Variants in OXR1 observed in about 807,000 individuals in gnomAD.
The protein encoded by OXR1 is oxidation resistance 1.
OXR1 carries 41 observed loss-of-function variants against 104.6 expected under a neutral mutation model. The observed-to-expected ratio is 0.39, with a 90% CI of 0.31 to 0.51. The LOEUF is 0.51. Ranked by LOEUF, OXR1 falls within the 20% of genes least tolerant of loss-of-function variation. OXR1 has a pLI of 0.77. For missense variants in OXR1, 955 were observed against 1,031.9 expected, an observed-to-expected ratio of 0.93 and a Z score of 1.02; for synonymous variants, 348 against 348.4, an observed-to-expected ratio of 1.00 and a Z score of 0.01.
In OXR1 at chr8:106,574,998, C is replaced by A. The variant is rs149183688; in HGVS notation, c.220+55859C>A. On this transcript the variant is annotated intron_variant, in intron 3 of 16. Coordinates refer to ENST00000517566, the MANE Select transcript of OXR1 (RefSeq NM_001198533.2). ...TTTTCTCCATGTGACTTTTCATTTA[C>A]ATAATTGGACTCAGTTTTGCATTAT... is the stretch of plus-strand genomic sequence containing the variant. 1.2e-4 allele frequency among the ~76,000 whole-genome samples: 18 copies of A among 152,184 alleles called. No individual in the cohort carries two copies. The East Asian group carries it at 3.5e-3, about 29-fold the overall frequency.
intron 1 of OXR1, among the ~76,000 whole-genome samples, chr8:106,332,930 A>C (rs980908663): frequency 6.6e-6 from 1 of 152,150 alleles, no homozygotes; most frequent in East Asian, 1.9e-4. Flanking sequence ...CTTTAGCTTT[A>C]CATAATGTTC....
intron 2 of OXR1, among the ~76,000 whole-genome samples, chr8:106,429,790 G>T (rs1819286881): frequency 2.0e-5 from 3 of 152,052 alleles, no homozygotes; most frequent in Middle Eastern, 6.8e-3. Context: ...ACCAGGGATG[G>T]TTGGTTTGTT....
intron 1 of OXR1, among the ~76,000 whole-genome samples, chr8:106,288,184 T>C (rs1055958890): frequency 9.2e-5 from 14 of 152,022 alleles, no homozygotes; most frequent in African/African-American, 3.4e-4. Flanking sequence ...GCAGGTGAAG[T>C]GTATTGGAAG....
At chr8:106,711,744 A>G (rs1831710588) in intron 10 of OXR1, among the ~76,000 whole-genome samples, 1 of 152,080 alleles carries the variant, frequency 6.6e-6, no homozygotes, top group South Asian at 2.1e-4. Flanking sequence ...CCTTTCCTAC[A>G]AAGGATGTGA....
At chr8:106,467,604 A>G (rs375363465) in intron 2 of OXR1, among the ~76,000 whole-genome samples, 181 of 151,896 alleles carry the variant, frequency 1.2e-3, no homozygotes, top group Non-Finnish European at 2.2e-3. Context: ...GCAGTAAGCA[A>G]ACCTGCTCTT....
chr8:106,663,871 G>C (rs1826007652), intron 3 of OXR1, among the ~76,000 whole-genome samples: 1 of 152,112 alleles, frequency 6.6e-6, no homozygotes, highest in Non-Finnish European at 1.5e-5. Flanking sequence ...CCTGTCTCTG[G>C]TGCCGTAAAG....
intron 1 of OXR1, among the ~76,000 whole-genome samples, chr8:106,294,140 C>T (rs916211612): frequency 2.6e-5 from 4 of 151,486 alleles, no homozygotes; most frequent in Non-Finnish European, 4.4e-5. Flanking sequence ...TCTGTAGTCC[C>T]GTCTGTATTC....
intron 3 of OXR1, among the ~76,000 whole-genome samples, chr8:106,590,462 A>G (rs976919110): frequency 2.6e-5 from 4 of 152,056 alleles, no homozygotes; most frequent in African/African-American, 9.7e-5. Context: ...TCATTTTTGT[A>G]TTTTTAGTAG....
intron 3 of OXR1, among the ~76,000 whole-genome samples, chr8:106,607,486 A>G (rs919906229): frequency 6.6e-6 from 1 of 152,150 alleles, no homozygotes; most frequent in African/African-American, 2.4e-5. Context: ...AAGTTCAAGG[A>G]TTGCTTACAC....
Position 106,496,919 on chromosome 8 carries a change from T to A in OXR1, c.24-22024T>A, listed in dbSNP as rs141652559. ...GCAATCTGTGACGGAGGTAGACCAA[T>A]GTAAACCAAAGACTGGGAGGGTCAA... is the stretch of plus-strand genomic sequence containing the variant. On this transcript the variant is annotated intron_variant, in intron 2 of 16. Transcript: ENST00000517566. Among the ~76,000 whole-genome samples, 408 of 152,254 alleles carry A rather than the reference T, an allele frequency of 2.7e-3. 3 individuals carry two copies. The highest frequency in any genetic ancestry group is 6.6e-3 in the African/African-American group (273 of 41,546).
At chr8:106,413,932 T>C (rs1276610939) in intron 2 of OXR1, among the ~76,000 whole-genome samples, 1 of 152,070 alleles carries the variant, frequency 6.6e-6, no homozygotes, top group Non-Finnish European at 1.5e-5. Flanking sequence ...TTCACCATGT[T>C]GACCATGCTG....
intron 2 of OXR1, among the ~76,000 whole-genome samples, chr8:106,498,426 A>G (rs753178716): frequency 2.0e-5 from 3 of 152,188 alleles, no homozygotes; most frequent in Non-Finnish European, 4.4e-5. Flanking sequence ...AATAGTAAAA[A>G]TTTTGCTTAC....
intron 3 of OXR1, among the ~76,000 whole-genome samples, chr8:106,652,953 A>G (rs1824722050): frequency 6.6e-6 from 1 of 151,644 alleles, no homozygotes; most frequent in South Asian, 2.1e-4. Flanking sequence ...AATATAAATC[A>G]GAGAAATGAA....
chr8:106,567,120 A>C (rs1817137287), intron 3 of OXR1, among the ~76,000 whole-genome samples: 1 of 152,282 alleles, frequency 6.6e-6, no homozygotes, highest in South Asian at 2.1e-4. Context: ...ATAATAAAAA[A>C]AGAATAATAA....
chr8:106,573,800 T>C (rs968063023), intron 3 of OXR1, among the ~76,000 whole-genome samples: 4 of 152,212 alleles, frequency 2.6e-5, no homozygotes, highest in Non-Finnish European at 5.9e-5. Context: ...GACACTAGAA[T>C]GGGAAACCAT....
At chr8:106,419,516 G>A (rs1818817918) in intron 2 of OXR1, among the ~76,000 whole-genome samples, 2 of 152,230 alleles carry the variant, frequency 1.3e-5, no homozygotes, top group East Asian at 1.9e-4. Flanking sequence ...GAGGTATGAG[G>A]AGTGGAATTG....
At chr8:106,719,234 G>T (rs888006659) in intron 11 of OXR1, among the ~76,000 whole-genome samples, 2 of 152,168 alleles carry the variant, frequency 1.3e-5, no homozygotes, top group Non-Finnish European at 2.9e-5. Context: ...AAAGGGAAGT[G>T]CTCTAATGGC....
Position 106,659,483 on chromosome 8 carries a change from G to A in OXR1, c.221-19727G>A, listed in dbSNP as rs138907236. Among the ~76,000 whole-genome samples, 105 of 152,308 alleles carry A rather than the reference G, an allele frequency of 6.9e-4. 1 individual carries two copies. In the East Asian group the frequency reaches 0.014, roughly 20 times the overall value. On this transcript the variant is annotated intron_variant, in intron 3 of 16. Transcript: ENST00000517566. ...TACTTTTGTTTCTGCTCTGAAGGAC[G>A]TTAACCAAATGCAGAATCCTCTTAA...
At position 106,431,280 on chromosome 8, in the gene OXR1, G is replaced by GTGA. The variant is rs201413623; in HGVS notation, c.23+71657_23+71659dup. 6.8e-3 allele frequency among the ~76,000 whole-genome samples: 1,034 copies of GTGA among 152,150 alleles called. 11 individuals are homozygous for GTGA. The highest frequency in any genetic ancestry group is 0.024 in the African/African-American group (994 of 41,500). On this transcript the variant is annotated intron_variant, in intron 2 of 16. Coordinates refer to ENST00000517566, the MANE Select transcript of OXR1 (RefSeq NM_001198533.2). ...AGATTTAATGATGATAATGATGATG[G>GTGA]TGATGATGATGATGAAGATAGTAAT...
Sources: allele counts gnomAD v4.1 joint callset (sites outside exome capture counted in the v4.1 genomes callset), GRCh38; gene constraint gnomAD v4.1.1; transcripts MANE v1.5; gene names NCBI Gene and HGNC (gene_info 2026-07-23, HGNC 2026-07-21).